The following MSI2 variants were observed in gnomAD, a reference collection of about 807,000 sequenced individuals.
MSI2 encodes the protein RNA-binding protein Musashi homolog 2.
MSI2 carries 17 observed loss-of-function variants against 45.6 expected under a neutral mutation model. The observed-to-expected ratio is 0.37, with a 90% CI of 0.26 to 0.56. The LOEUF (loss-of-function observed/expected upper bound fraction) is 0.56, where lower values mean the gene tolerates loss of function less well. Ranked by LOEUF, MSI2 falls within the 20% of genes least tolerant of loss-of-function variation. MSI2 has a pLI of 0.77. For synonymous variants in MSI2, 156 were observed against 158.2 expected (o/e 0.99, Z 0.11); for missense variants, 293 against 444.2 (o/e 0.66, Z 3.06).
At chr17:57,628,796 G>A (rs1909059992) in intron 10 of MSI2, 1 of 152,486 alleles carries the variant, frequency 6.6e-6, no homozygotes, top group South Asian at 2.1e-4. Context: ...CACTAAGGAA[G>A]CCGTCCCCAA....
intron 5 of MSI2, among the ~76,000 whole-genome samples, chr17:57,386,633 G>A (rs1372401284): frequency 6.4e-5 from 4 of 62,570 alleles, no homozygotes; most frequent in East Asian, 7.0e-4. Context: ...ATTGACCATG[G>A]TCCTCCCTTC....
At chr17:57,623,676 T>C (rs1028608452) in intron 9 of MSI2, among the ~76,000 whole-genome samples, 36 of 152,282 alleles carry the variant, frequency 2.4e-4, no homozygotes, top group African/African-American at 8.7e-4. Context: ...CAGTGGCCAG[T>C]GTGGGAGGGG....
chr17:57,664,320 C>A (rs1168461169), intron 11 of MSI2, among the ~76,000 whole-genome samples: 5 of 152,170 alleles, frequency 3.3e-5, no homozygotes, highest in African/African-American at 1.2e-4. Flanking sequence ...GAGTTTGAGA[C>A]CAGCCTGGCC....
At chr17:57,489,101 G>A (rs139598717) in intron 6 of MSI2, among the ~76,000 whole-genome samples, 8 of 152,300 alleles carry the variant, frequency 5.3e-5, no homozygotes, top group African/African-American at 1.7e-4. Context: ...GGTTCTGGTC[G>A]CAGCTCTGTT....
intron 11 of MSI2, among the ~76,000 whole-genome samples, chr17:57,661,050 G>A (rs1014283881): frequency 6.6e-6 from 1 of 152,212 alleles, no homozygotes; most frequent in African/African-American, 2.4e-5. Context: ...GATAATTCGT[G>A]TACATTGTAA....
chr17:57,476,815 T>C (rs2085546277), intron 6 of MSI2, among the ~76,000 whole-genome samples: 1 of 152,240 alleles, frequency 6.6e-6, no homozygotes, highest in Non-Finnish European at 1.5e-5. Context: ...CGTCATTTGT[T>C]GAGGATCACA....
chr17:57,551,025 A>T (rs993197722), intron 7 of MSI2, among the ~76,000 whole-genome samples: 1 of 152,186 alleles, frequency 6.6e-6, no homozygotes, highest in Non-Finnish European at 1.5e-5. Flanking sequence ...TTAATGATTA[A>T]AGAGAAAGAA....
At chr17:57,417,548 C>A (rs2084317670) in intron 6 of MSI2, among the ~76,000 whole-genome samples, 1 of 152,102 alleles carries the variant, frequency 6.6e-6, no homozygotes. Context: ...GAGATCTTAC[C>A]CCTCAACCCC....
intron 6 of MSI2, among the ~76,000 whole-genome samples, chr17:57,413,203 A>G (rs2084229599): frequency 6.6e-6 from 1 of 152,066 alleles, no homozygotes; most frequent in African/African-American, 2.4e-5. Context: ...TCGTTCTCTC[A>G]TTCATCTTTT....
At chr17:57,373,611 A>G (rs1019295717) in intron 5 of MSI2, among the ~76,000 whole-genome samples, 1 of 152,188 alleles carries the variant, frequency 6.6e-6, no homozygotes, top group Non-Finnish European at 1.5e-5. Context: ...CCTCAGAGCT[A>G]TGCAGCAGAT....
At chr17:57,348,151 C>T (rs1458897900) in intron 5 of MSI2, among the ~76,000 whole-genome samples, 3 of 152,192 alleles carry the variant, frequency 2.0e-5, no homozygotes, top group Non-Finnish European at 4.4e-5. Context: ...TGCTTTGGCA[C>T]CTTCCTAGTG....
At chr17:57,493,397 T>C (rs939301476) in intron 6 of MSI2, among the ~76,000 whole-genome samples, 1 of 152,140 alleles carries the variant, frequency 6.6e-6, no homozygotes, top group African/African-American at 2.4e-5. Context: ...CTGTCCTCAC[T>C]TGCCACCTCC....
chr17:57,334,801 A>AT (rs1040805800), intron 5 of MSI2, among the ~76,000 whole-genome samples: 12 of 152,074 alleles, frequency 7.9e-5, no homozygotes, highest in African/African-American at 2.2e-4. Context: ...CTCAAAAAAA[A>AT]AAATAAATAA....
chr17:57,684,955 C>T (rs149453068), downstream of MSI2, among the ~76,000 whole-genome samples: 12 of 151,636 alleles, frequency 7.9e-5, no homozygotes, highest in African/African-American at 2.7e-4. Context: ...GTACACAGAA[C>T]CCATGAGTGG....
At chr17:57,487,954 C>T (rs2085787701) in intron 6 of MSI2, among the ~76,000 whole-genome samples, 1 of 151,974 alleles carries the variant, frequency 6.6e-6, no homozygotes, top group Non-Finnish European at 1.5e-5. Context: ...TTTTGCCTGC[C>T]TGTCCATCAT....
At chr17:57,293,863 C>T (rs1416498901) in intron 5 of MSI2, among the ~76,000 whole-genome samples, 1 of 151,006 alleles carries the variant, frequency 6.6e-6, no homozygotes, top group Non-Finnish European at 1.5e-5. Context: ...CCGCCTCAGC[C>T]TCCCAAAATG....
intron 6 of MSI2, among the ~76,000 whole-genome samples, chr17:57,460,027 G>T (rs146899016): frequency 0.027 from 4,096 of 151,976 alleles, 91 homozygotes; most frequent in Non-Finnish European, 0.043. Flanking sequence ...TACTCGGGAG[G>T]CTGAGACAGG....
chr17:57,689,429 T>C (rs1353592910), downstream of MSI2, among the ~76,000 whole-genome samples: 1 of 152,110 alleles, frequency 6.6e-6, no homozygotes, highest in African/African-American at 2.4e-5. Context: ...GACAGTGATA[T>C]CCCTCTGGGA....
rs891525977 is a variant in MSI2 at position 57,634,323 on chromosome 17, C to T, written c.727+7020C>T. Among the ~76,000 whole-genome samples the T allele has an allele frequency of 1.3e-4, 19 of 151,940 alleles. No individual in the cohort carries two copies. The East Asian group carries it at 1.7e-3, about 14-fold the overall frequency. On this transcript the variant is annotated intron_variant, in intron 10 of 13. Transcript: ENST00000284073. Reference sequence around the variant, plus strand: ...TCTACTAAAAATACAAAAAATAGCCCGGAGTGGTGGCGGGTGCCTGTAGTC... The same window carrying T: ...TCTACTAAAAATACAAAAAATAGCCTGGAGTGGTGGCGGGTGCCTGTAGTC...
Sources: gnomAD v4.1 joint callset for allele counts (sites outside exome capture counted in the v4.1 genomes callset) on GRCh38, gnomAD v4.1.1 for gene constraint, MANE v1.5 for transcripts, NCBI Gene and HGNC (gene_info 2026-07-23, HGNC 2026-07-21) for gene names.